EMSY: variants seen among roughly 807,000 people sequenced by gnomAD.
The protein encoded by EMSY is BRCA2-interacting transcriptional repressor EMSY.
EMSY carries 26 observed loss-of-function variants against 134.6 expected under a neutral mutation model. That is an observed-to-expected ratio of 0.19 (90% CI 0.14 to 0.27). EMSY has a LOEUF of 0.27. EMSY is among the 10% of genes least tolerant of loss of function. The probability of loss-of-function intolerance (pLI) is 1.00; values close to 1 mark genes in which losing one functional copy is unlikely to be tolerated. For synonymous variants in EMSY, 579 were observed against 577.8 expected (o/e 1.00, Z -0.03); for missense variants, 1,305 against 1,611.4 (o/e 0.81, Z 3.26).
intron 8 of EMSY, among the ~76,000 whole-genome samples, chr11:76,486,262 G>A (rs2135581747): frequency 6.6e-6 from 1 of 152,198 alleles, no homozygotes; most frequent in African/African-American, 2.4e-5. Context: ...CGGGTGGGGG[G>A]CAAGGGGAGG....
At chr11:76,486,003 A>C (rs1465390680) in intron 8 of EMSY, among the ~76,000 whole-genome samples, 1 of 152,192 alleles carries the variant, frequency 6.6e-6, no homozygotes, top group African/African-American at 2.4e-5. Context: ...AACCAACCCA[A>C]ATGCCCATCA....
intron 11 of EMSY, among the ~76,000 whole-genome samples, chr11:76,518,555 A>G (rs1428913031): frequency 6.6e-6 from 1 of 151,830 alleles, no homozygotes; most frequent in Non-Finnish European, 1.5e-5. Flanking sequence ...GAGAATTTGG[A>G]AACTACAGCC....
chr11:76,458,166 CT>C lies in EMSY; in HGVS notation c.246-14del. 6.3e-7 allele frequency: 1 copy of C among 1,586,420 alleles called. No homozygotes were observed. Among genetic ancestry groups the C allele is most frequent in the Non-Finnish European group, 8.6e-7 (1 of 1,167,866 alleles). The stretch of plus-strand genomic sequence containing the variant: ...GTGATTGAAAACCCTTGTAGCAGCG[CT>C]TTCTTTTTTGTTTAGTATGTCTGGA... On this transcript the variant is annotated splice_polypyrimidine_tract_variant and intron_variant, in intron 4 of 20. Transcript: ENST00000334736.
intron 9 of EMSY, among the ~76,000 whole-genome samples, chr11:76,497,702 TTC>T (rs1949709360): frequency 6.6e-6 from 1 of 152,178 alleles, no homozygotes; most frequent in Non-Finnish European, 1.5e-5. Flanking sequence ...CCTGTTTCAT[TTC>T]TGATATTGGT....
At chr11:76,542,501 G>A (rs908924664) in intron 18 of EMSY, 134 bp downstream of exon 19, 50 of 1,168,520 alleles carry the variant, frequency 4.3e-5, no homozygotes, top group Admixed American at 2.7e-4. Flanking sequence ...TAAGAAATGA[G>A]TAGAGGAAAT....
intron 6 of EMSY, chr11:76,461,012 A>T (rs1590796812): frequency 6.6e-6 from 1 of 152,052 alleles, no homozygotes. Flanking sequence ...AAAAAAAAAG[A>T]AAAGTGGTTA....
intron 16 of EMSY, 101 bp from the exon 18 acceptor site, chr11:76,539,498 C>A: frequency 8.8e-7 from 1 of 1,141,918 alleles, no homozygotes; most frequent in Non-Finnish European, 1.3e-6. Flanking sequence ...AAGCAGAGGC[C>A]AGTATTCTGG....
At chr11:76,456,703 A>G (rs1297901686) in intron 4 of EMSY, among the ~76,000 whole-genome samples, 1 of 152,194 alleles carries the variant, frequency 6.6e-6, no homozygotes. Flanking sequence ...CCTTTGTCTT[A>G]GGTAGGACTG....
intron 2 of EMSY, among the ~76,000 whole-genome samples, chr11:76,447,708 T>C (rs1947477982): frequency 6.6e-6 from 1 of 152,170 alleles, no homozygotes; most frequent in South Asian, 2.1e-4. Context: ...TCTAGAGTGC[T>C]ATTAGTTATT....
intron 12 of EMSY, 130 bp downstream of exon 13, chr11:76,523,421 T>C: frequency 3.0e-6 from 3 of 1,003,000 alleles, no homozygotes; most frequent in Non-Finnish European, 2.8e-6. Flanking sequence ...TGCTGGGATA[T>C]AACAACTGTT....
rs1050524742 is a variant in EMSY, at chr11:76,508,438, T to C, written c.1364-4948T>C. 3.3e-5 allele frequency among the ~76,000 whole-genome samples: 5 copies of C among 152,228 alleles called. No individual in the cohort carries two copies. The South Asian group carries it at 1.0e-3, about 32-fold the overall frequency. On this transcript the variant is annotated intron_variant, in intron 9 of 20. Transcript: ENST00000334736. ...AGATGTGGTGTCATCCAGGCTTTGT[T>C]GTTTCATTTATAGAGCACAGGCAGA...
At chr11:76,508,491 C>A (rs1025394090) in intron 9 of EMSY, among the ~76,000 whole-genome samples, 2 of 152,086 alleles carry the variant, frequency 1.3e-5, no homozygotes, top group African/African-American at 4.8e-5. Context: ...TTTAAGGACC[C>A]TAGCATTTTG....
intron 20 of EMSY, 21 bp from the exon 22 acceptor site, chr11:76,549,931 C>G: frequency 6.6e-7 from 1 of 1,516,886 alleles, no homozygotes; most frequent in Non-Finnish European, 8.9e-7. Context: ...CATAAAGATT[C>G]TCCTGTGTCT....
chr11:76,531,645 T>A (rs2136437979), intron 14 of EMSY, among the ~76,000 whole-genome samples: 1 of 152,274 alleles, frequency 6.6e-6, no homozygotes, highest in South Asian at 2.1e-4. Flanking sequence ...AGTTAACATG[T>A]TTCCCTTTCA....
chr11:76,528,095 C>T (rs1950907359), intron 13 of EMSY, among the ~76,000 whole-genome samples, 173 bp from the exon 15 acceptor site: 1 of 152,126 alleles, frequency 6.6e-6, no homozygotes, highest in South Asian at 2.1e-4. Context: ...ATGGCTTACA[C>T]TGTAATTTGT....
intron 14 of EMSY, among the ~76,000 whole-genome samples, chr11:76,531,933 C>T (rs529288691): frequency 2.5e-4 from 38 of 152,106 alleles, no homozygotes; most frequent in Non-Finnish European, 4.6e-4. Flanking sequence ...CTACTGTCCT[C>T]CACCCCCAAG....
chr11:76,523,237 G>A (rs777308629), exon 12 of EMSY: 4 of 1,613,772 alleles, frequency 2.5e-6, no homozygotes, highest in Middle Eastern at 1.7e-4. Flanking sequence ...GAAAAGGAAC[G>A]ACCATTCAAG....
chr11:76,501,260 C>T (rs1020726655), intron 9 of EMSY, among the ~76,000 whole-genome samples: 3 of 152,084 alleles, frequency 2.0e-5, no homozygotes, highest in African/African-American at 7.2e-5. Flanking sequence ...TAATTTCTAA[C>T]AAAGACATAA....
chr11:76,520,055 CT>C (rs1210530573), intron 11 of EMSY, among the ~76,000 whole-genome samples: 2 of 151,566 alleles, frequency 1.3e-5, no homozygotes, highest in African/African-American at 4.9e-5. Flanking sequence ...TAGAGGGTGA[CT>C]TTTTTTTAAT....
Sources: allele counts gnomAD v4.1 joint callset (sites outside exome capture counted in the v4.1 genomes callset), GRCh38; gene constraint gnomAD v4.1.1; transcripts MANE v1.5; gene names NCBI Gene and HGNC (gene_info 2026-07-23, HGNC 2026-07-21).